ATP10D: variants seen among roughly 807,000 people sequenced by gnomAD.
ATP10D encodes the protein ATPase phospholipid transporting 10D (putative).
Under a neutral mutation model 144.8 loss-of-function variants are expected in ATP10D, and 89 were observed. That is an observed-to-expected ratio of 0.61 (90% CI 0.52 to 0.73). The LOEUF (loss-of-function observed/expected upper bound fraction) is 0.73. Among genes scored for constraint, ATP10D ranks in the 30% least tolerant of loss-of-function variants. The probability of loss-of-function intolerance (pLI) is 0.00; values close to 1 mark genes in which losing one functional copy is unlikely to be tolerated. For synonymous variants in ATP10D, 571 were observed against 615.1 expected, an observed-to-expected ratio of 0.93 and a Z score of 1.06; for missense variants, 1,603 against 1,714.8, an observed-to-expected ratio of 0.93 and a Z score of 1.15.
At chr4:47,532,791 AT>A (rs1412845096) in intron 5 of ATP10D, among the ~76,000 whole-genome samples, 3 of 152,048 alleles carry the variant, frequency 2.0e-5, no homozygotes, top group Admixed American at 6.5e-5. Flanking sequence ...ATACTATCAT[AT>A]TTTTACTACT....
At position 47,587,024 on chromosome 4, in the gene ATP10D, G is replaced by A. The variant is rs1720820171; in HGVS notation, c.3759G>A (p.Trp1253Ter). Residue 1253 changes from tryptophan (W) to a stop codon, truncating the protein, a stop_gained, in exon 22 of 23, where the codon TGG (tryptophan) becomes TGA (stop). Transcript: ENST00000273859. LOFTEE classifies it high-confidence loss of function. ...CTGCTCTTCTTGTCTTACAGACTTG[G>A]ATTCACTTGCTGGTCATCATTGGTA... is the stretch of plus-strand genomic sequence containing the variant. Reference protein sequence around the residue: ...HLVIESKSLTWIHLLVIIGSI... With the variant: ...HLVIESKSLT The A allele has an allele frequency of 1.5e-5, 25 of 1,613,460 alleles. No homozygotes were observed. Among genetic ancestry groups the A allele is most frequent in the Non-Finnish European group, 2.0e-5 (24 of 1,179,656 alleles).
chr4:47,545,090 G>A (rs1200877736), intron 9 of ATP10D, among the ~76,000 whole-genome samples: 2 of 152,206 alleles, frequency 1.3e-5, no homozygotes, highest in Non-Finnish European at 2.9e-5. Flanking sequence ...TCTCTAAGTG[G>A]GACATGGGGC....
At chr4:47,499,344 G>T (rs1715562921) in intron 1 of ATP10D, among the ~76,000 whole-genome samples, 2 of 152,136 alleles carry the variant, frequency 1.3e-5, no homozygotes, top group Admixed American at 1.3e-4. Context: ...ATAAGGAAAA[G>T]AAATCTCTAA....
rs113342735 is a variant in ATP10D at position 47,576,839 on chromosome 4, T to C, written c.3433T>C (p.Tyr1145His). ...CGFSGTSMTD[Y>H]WVLIFFNLLF... ...ATTTTCAGGAACATCCATGACTGAT[T>C]ACTGGGTTTTGATCTTCTTCAACCT... The change falls in exon 19 of 23, where the codon TAC (tyrosine) becomes CAC (histidine). Residue 1145 changes from tyrosine (Y) to histidine (H), a missense_variant. Coordinates refer to ENST00000273859, the MANE Select transcript of ATP10D (RefSeq NM_020453.4). 2 of 1,614,206 alleles carry C rather than the reference T, an allele frequency of 1.2e-6. No individual in the cohort carries two copies. The highest frequency in any genetic ancestry group is 1.7e-6 in the Non-Finnish European group (2 of 1,180,026).
chr4:47,494,890 T>A (rs1715273341), intron 1 of ATP10D, among the ~76,000 whole-genome samples: 1 of 152,224 alleles, frequency 6.6e-6, no homozygotes. Context: ...ACCATTTAAA[T>A]TCTATTTTCA....
intron 3 of ATP10D, among the ~76,000 whole-genome samples, chr4:47,519,093 A>G (rs1716819613): frequency 6.6e-6 from 1 of 152,260 alleles, no homozygotes; most frequent in South Asian, 2.1e-4. Flanking sequence ...CTTATTATAA[A>G]TAATTCAGTG....
chr4:47,569,096 A>T lies in ATP10D; in HGVS notation c.3113A>T (p.Glu1038Val). Reference sequence around the variant, plus strand: ...CGAGCCACACCGCTGCAGAAAAGTGAAGTGGTGAAATTGGTCCGCAGCCAT... The same window carrying T: ...CGAGCCACACCGCTGCAGAAAAGTGTAGTGGTGAAATTGGTCCGCAGCCAT... Reference protein sequence around the residue: ...CCRATPLQKSEVVKLVRSHLQ... With the variant: ...CCRATPLQKSVVVKLVRSHLQ... The change falls in exon 16 of 23, where the codon GAA (glutamate) becomes GTA (valine). Residue 1038 changes from glutamate to valine, a missense_variant. Transcript: ENST00000273859. 1 of 1,614,126 alleles carries T rather than the reference A, an allele frequency of 6.2e-7. No homozygotes were observed. The highest frequency in any genetic ancestry group is 8.5e-7 in the Non-Finnish European group (1 of 1,180,028).
At chr4:47,561,749 G>A (rs1719323363) in intron 14 of ATP10D, among the ~76,000 whole-genome samples, 1 of 152,178 alleles carries the variant, frequency 6.6e-6, no homozygotes, top group Non-Finnish European at 1.5e-5. Flanking sequence ...TATCCCCTGA[G>A]ATTCTGATTC....
intron 1 of ATP10D, among the ~76,000 whole-genome samples, chr4:47,509,352 T>G (rs980160563): frequency 2.6e-5 from 4 of 152,370 alleles, no homozygotes; most frequent in African/African-American, 9.6e-5. Context: ...GGAAAAGCTT[T>G]CTGTGTATAA....
intron 9 of ATP10D, 104 bp downstream of exon 9, chr4:47,537,042 A>G: frequency 7.5e-7 from 1 of 1,339,806 alleles, no homozygotes; most frequent in Non-Finnish European, 1.0e-6. Flanking sequence ...TGGTTTATTT[A>G]ATCATTGAGT....
Position 47,568,826 on chromosome 4 carries a change from CT to C in ATP10D, c.2854-9del. The C allele has an allele frequency of 6.2e-7, 1 of 1,606,756 alleles. No homozygotes were observed. The highest frequency in any genetic ancestry group is 1.1e-5 in the South Asian group (1 of 90,514). ...GCCTGGAGGCTAACCACCTTTGCCT[CT>C]TGTTTCAAGGATGCCTGTGGGATGC... On this transcript the variant is annotated splice_polypyrimidine_tract_variant and intron_variant, in intron 15 of 22. Coordinates refer to ENST00000273859, the MANE Select transcript of ATP10D (RefSeq NM_020453.4).
At chr4:47,516,243 C>CAA (rs34726660) in intron 3 of ATP10D, among the ~76,000 whole-genome samples, 5 of 114,028 alleles carry the variant, frequency 4.4e-5, no homozygotes, top group Admixed American at 8.9e-5. Flanking sequence ...GACTCTATCT[C>CAA]AAAAAAAAAA....
intron 1 of ATP10D, among the ~76,000 whole-genome samples, chr4:47,489,231 T>G (rs1212920968): frequency 1.3e-5 from 2 of 152,162 alleles, no homozygotes; most frequent in African/African-American, 2.4e-5. Context: ...AATTACCACA[T>G]TTTCACACAT....
intron 1 of ATP10D, among the ~76,000 whole-genome samples, chr4:47,501,922 A>G (rs1406062257): frequency 6.6e-6 from 1 of 152,210 alleles, no homozygotes; most frequent in Non-Finnish European, 1.5e-5. Context: ...ATTATTTTAG[A>G]AGCATGTAGG....
chr4:47,567,495 A>G (rs988403225), intron 15 of ATP10D, among the ~76,000 whole-genome samples: 3 of 152,184 alleles, frequency 2.0e-5, no homozygotes, highest in African/African-American at 7.2e-5. Context: ...TATTTATGTT[A>G]TTGTATGGTA....
intron 9 of ATP10D, among the ~76,000 whole-genome samples, chr4:47,540,873 G>A (rs1218629515): frequency 6.6e-6 from 1 of 152,142 alleles, no homozygotes; most frequent in East Asian, 1.9e-4. Flanking sequence ...GCAGTTTTGA[G>A]TGGCATTATT....
At chr4:47,572,286 A>C (rs532878002) in intron 17 of ATP10D, 56 bp downstream of exon 17, 2 of 1,468,346 alleles carry the variant, frequency 1.4e-6, no homozygotes, top group East Asian at 4.5e-5. Context: ...ATCCAAAGGC[A>C]GCATTCTCCA....
At chr4:47,501,734 T>C (rs1715690709) in intron 1 of ATP10D, among the ~76,000 whole-genome samples, 1 of 152,226 alleles carries the variant, frequency 6.6e-6, no homozygotes, top group Admixed American at 6.5e-5. Context: ...GAGATAATAA[T>C]ATGTACTTTA....
intron 4 of ATP10D, among the ~76,000 whole-genome samples, chr4:47,523,524 T>G (rs1248047485): frequency 6.6e-6 from 1 of 152,252 alleles, no homozygotes; most frequent in Non-Finnish European, 1.5e-5. Flanking sequence ...GTTATCATTA[T>G]TTCTAAAATC....
Sources: allele counts gnomAD v4.1 joint callset (sites outside exome capture counted in the v4.1 genomes callset), GRCh38; gene constraint gnomAD v4.1.1; transcripts MANE v1.5; gene names NCBI Gene and HGNC (gene_info 2026-07-23, HGNC 2026-07-21).